The following DAB1 variants were observed in gnomAD, a reference collection of about 807,000 sequenced individuals.
The protein encoded by DAB1 is disabled homolog 1.
In DAB1, 15 loss-of-function variants were observed where a neutral mutation model predicts 64.6. The observed-to-expected ratio is 0.23, with a 90% CI of 0.16 to 0.36. The LOEUF (loss-of-function observed/expected upper bound fraction) is 0.36, where lower values mean the gene tolerates loss of function less well. Ranked by LOEUF, DAB1 falls within the 10% of genes least tolerant of loss-of-function variation. The probability of loss-of-function intolerance (pLI) is 1.00; values close to 1 mark genes in which losing one functional copy is unlikely to be tolerated. For synonymous variants in DAB1, 235 were observed against 251.9 expected, an observed-to-expected ratio of 0.93 and a Z score of 0.64; for missense variants, 596 against 706.7, an observed-to-expected ratio of 0.84 and a Z score of 1.78.
At chr1:58,461,467 A>G (rs1645241900) in intron 3 of DAB1, among the ~76,000 whole-genome samples, 2 of 152,240 alleles carry the variant, frequency 1.3e-5, no homozygotes, top group Admixed American at 1.3e-4. Flanking sequence ...ATGGAGACAC[A>G]GAAGAGATGA....
At chr1:57,640,120 C>A (rs572282586) in intron 7 of DAB1, among the ~76,000 whole-genome samples, 5 of 152,164 alleles carry the variant, frequency 3.3e-5, no homozygotes, top group Non-Finnish European at 5.9e-5. Flanking sequence ...TCGTGTATTA[C>A]AGGTTTGCTC....
At chr1:57,381,762 A>C (rs1681397106) in intron 1 of DAB1, among the ~76,000 whole-genome samples, 1 of 152,186 alleles carries the variant, frequency 6.6e-6, no homozygotes, top group African/African-American at 2.4e-5. Flanking sequence ...ATATGACTTT[A>C]TAGGTTCTCT....
At chr1:57,219,899 G>A (rs1666726151) in intron 2 of DAB1, among the ~76,000 whole-genome samples, 1 of 152,178 alleles carries the variant, frequency 6.6e-6, no homozygotes, top group Non-Finnish European at 1.5e-5. Context: ...CTGCAAAGCT[G>A]GGCCGAGACC....
intron 1 of DAB1, among the ~76,000 whole-genome samples, chr1:57,878,045 AT>A (rs1260139979): frequency 6.6e-6 from 1 of 152,178 alleles, no homozygotes; most frequent in Non-Finnish European, 1.5e-5. Flanking sequence ...ACCTAAACAT[AT>A]GTTTGGAACA....
chr1:57,800,097 G>C (rs114087127), intron 6 of DAB1, among the ~76,000 whole-genome samples: 78 of 152,262 alleles, frequency 5.1e-4, no homozygotes, highest in African/African-American at 1.9e-3. Flanking sequence ...TTAATACTCA[G>C]GACAACTCTA....
chr1:57,842,099 G>T (rs1242137882), intron 1 of DAB1, among the ~76,000 whole-genome samples: 1 of 152,178 alleles, frequency 6.6e-6, no homozygotes, highest in Non-Finnish European at 1.5e-5. Flanking sequence ...TTGCTGCTTA[G>T]CAATTTCTTC....
intron 7 of DAB1, among the ~76,000 whole-genome samples, chr1:57,472,361 G>T (rs574371282): frequency 6.6e-6 from 1 of 152,250 alleles, no homozygotes; most frequent in South Asian, 2.1e-4. Context: ...TGAAACTAAG[G>T]GAGGAGACCA....
intron 6 of DAB1, among the ~76,000 whole-genome samples, chr1:57,765,448 G>A (rs1284224047): frequency 6.6e-6 from 1 of 152,148 alleles, no homozygotes; most frequent in African/African-American, 2.4e-5. Context: ...ATAAGCTTTG[G>A]TTTTGTAGGG....
chr1:57,764,112 C>T (rs1291884803), intron 6 of DAB1, among the ~76,000 whole-genome samples: 1 of 152,112 alleles, frequency 6.6e-6, no homozygotes, highest in Admixed American at 6.5e-5. Flanking sequence ...ACAAAGCCAG[C>T]CATGGGTGCC....
At chr1:58,203,265 T>C (rs917678263) in intron 4 of DAB1, among the ~76,000 whole-genome samples, 5 of 152,256 alleles carry the variant, frequency 3.3e-5, no homozygotes, top group Admixed American at 2.6e-4. Flanking sequence ...GACACAATTG[T>C]GATCAAACAT....
intron 2 of DAB1, among the ~76,000 whole-genome samples, chr1:57,241,809 T>A (rs1668514845): frequency 6.6e-6 from 1 of 152,172 alleles, no homozygotes; most frequent in Non-Finnish European, 1.5e-5. Context: ...TCCTCTAACC[T>A]GCTGGGCTTC....
At chr1:58,349,539 A>G (rs1010211295) in intron 3 of DAB1, among the ~76,000 whole-genome samples, 1 of 152,030 alleles carries the variant, frequency 6.6e-6, no homozygotes, top group Non-Finnish European at 1.5e-5. Context: ...TGCACATACC[A>G]TGGTGGTTTG....
In DAB1 at chr1:57,104,081, A is replaced by G. The variant is rs529746879; in HGVS notation, c.307-31667T>C. 3.9e-5 allele frequency among the ~76,000 whole-genome samples: 6 copies of G among 152,248 alleles called. No homozygotes were observed. The South Asian group carries it at 1.2e-3, about 32-fold the overall frequency. On this transcript the variant is annotated intron_variant, in intron 4 of 14. Coordinates refer to ENST00000371236, the MANE Select transcript of DAB1 (RefSeq NM_001365792.1). ...GACAGTGGTAGGTTATGGGGGTGAG[A>G]AGGCAAGAACATCCTGAATACACAT...
At chr1:57,183,959 A>G (rs1319507546) in intron 2 of DAB1, among the ~76,000 whole-genome samples, 2 of 152,138 alleles carry the variant, frequency 1.3e-5, no homozygotes, top group Non-Finnish European at 2.9e-5. Context: ...TCAGTAGACA[A>G]GATTGATGTT....
At chr1:57,080,776 C>T (rs1652441182) in intron 4 of DAB1, among the ~76,000 whole-genome samples, 1 of 145,958 alleles carries the variant, frequency 6.9e-6, no homozygotes, top group African/African-American at 2.6e-5. Flanking sequence ...ACACACACAC[C>T]TTAAATAAGG....
chr1:57,061,235 G>A (rs954217145), intron 9 of DAB1, among the ~76,000 whole-genome samples: 1 of 151,038 alleles, frequency 6.6e-6, no homozygotes, highest in Non-Finnish European at 1.5e-5. Context: ...AGATGGGGGG[G>A]GGGGGTGGTT....
intron 7 of DAB1, among the ~76,000 whole-genome samples, chr1:57,628,446 C>A (rs1380416072): frequency 6.6e-6 from 1 of 152,154 alleles, no homozygotes; most frequent in African/African-American, 2.4e-5. Context: ...CTTAAGTCAG[C>A]CATTCACCCA....
chr1:57,900,221 G>C (rs1241166794), intron 5 of DAB1, among the ~76,000 whole-genome samples: 3 of 152,140 alleles, frequency 2.0e-5, no homozygotes, highest in Admixed American at 1.3e-4. Flanking sequence ...ATTGCTATTA[G>C]GGGAAAATTG....
At chr1:57,678,269 A>T (rs60645585) in intron 6 of DAB1, among the ~76,000 whole-genome samples, 2,073 of 152,274 alleles carry the variant, frequency 0.014, 42 homozygotes, top group African/African-American at 0.048. Flanking sequence ...ATTGCAGAGG[A>T]CCCATTAATC....
Sources: gnomAD v4.1 joint callset for allele counts (sites outside exome capture counted in the v4.1 genomes callset) on GRCh38, gnomAD v4.1.1 for gene constraint, MANE v1.5 for transcripts, NCBI Gene and HGNC (gene_info 2026-07-23, HGNC 2026-07-21) for gene names.